The following MACF1 variants were observed in gnomAD, a reference collection of about 807,000 sequenced individuals.
MACF1 encodes microtubule actin crosslinking factor 1, also known as microtubule-actin cross-linking factor 1.
Under a neutral mutation model 854.8 loss-of-function variants are expected in MACF1, and 193 were observed. That is an observed-to-expected ratio of 0.23 (90% CI 0.20 to 0.25). The LOEUF (loss-of-function observed/expected upper bound fraction) is 0.25, where lower values mean the gene tolerates loss of function less well. Ranked by LOEUF, MACF1 falls within the 10% of genes least tolerant of loss-of-function variation. The pLI is 1.00. For missense variants in MACF1, 7,722 were observed against 8,929.1 expected (o/e 0.86, Z 5.45); for synonymous variants, 3,185 against 3,226.7 (o/e 0.99, Z 0.44).
intron 1 of MACF1, among the ~76,000 whole-genome samples, chr1:39,214,956 A>G (rs1644558379): frequency 6.6e-6 from 1 of 152,190 alleles, no homozygotes. Context: ...CCACATTACA[A>G]GCTTCTGCTC....
chr1:39,419,778 G>A (rs879413645), intron 58 of MACF1, among the ~76,000 whole-genome samples: 186 of 150,924 alleles, frequency 1.2e-3, no homozygotes, highest in Non-Finnish European at 2.3e-3. Context: ...GACTACAGGC[G>A]TGCGCCACCA....
chr1:39,436,109 CT>C (rs961549975), intron 70 of MACF1: 6 of 394,734 alleles, frequency 1.5e-5, no homozygotes, highest in African/African-American at 1.2e-4. Context: ...GAACCTGTTA[CT>C]TTTTTGCTTT....
chr1:39,485,797 C>A lies in MACF1; in HGVS notation c.*3C>A. 1 of 1,582,180 alleles carries A rather than the reference C, an allele frequency of 6.3e-7. No homozygotes were observed. ...GGACTCCAGGTCCCAAGCGATAACACTGTCTAAGCACCCCCAAGCCACTAT... is the reference window on the plus strand; with the variant it reads ...GGACTCCAGGTCCCAAGCGATAACAATGTCTAAGCACCCCCAAGCCACTAT... On this transcript the variant is annotated 3_prime_UTR_variant, in exon 101 of 101. Transcript: ENST00000564288.
chr1:39,235,590 C>G (rs980234372), intron 2 of MACF1, among the ~76,000 whole-genome samples: 8 of 152,242 alleles, frequency 5.3e-5, no homozygotes, highest in African/African-American at 1.9e-4. Flanking sequence ...TTGCATGCAT[C>G]TGTCTTCTCT....
At chr1:39,120,296 C>A (rs1347668142) in intron 2 of MACF1, among the ~76,000 whole-genome samples, 2 of 152,110 alleles carry the variant, frequency 1.3e-5, no homozygotes, top group Non-Finnish European at 2.9e-5. Context: ...TGTTATAATT[C>A]TACTTCACCT....
chr1:39,357,309 T>C, intron 44 of MACF1, 66 bp from the exon 45 acceptor site: 2 of 1,538,446 alleles, frequency 1.3e-6, no homozygotes, highest in South Asian at 1.2e-5. Context: ...TCCAGTCTTG[T>C]ATACCTCAAA....
chr1:39,340,669 T>G lies in MACF1; in HGVS notation c.10383T>G (p.Thr3461=). ...AGTCTCTCAGCTCTGTGAGTGACAC[T>G]TGGAATTCCAGGCTACTCCACTTCC... The part of the protein sequence containing the change: ...LQKSLSSVSD[T]WNSRLLHFQN... The change falls in exon 39 of 101, where the codon ACT becomes ACG. Residue 3461 remains threonine (T), a synonymous_variant. Coordinates refer to ENST00000564288, the MANE Select transcript of MACF1 (RefSeq NM_001394062.1). 1 of 1,614,182 alleles carries G rather than the reference T, an allele frequency of 6.2e-7. No individual in the cohort carries two copies. Among genetic ancestry groups the G allele is most frequent in the South Asian group, 1.1e-5 (1 of 91,082 alleles).
At chr1:39,428,462 A>G (rs967288185) in intron 63 of MACF1, among the ~76,000 whole-genome samples, 175 bp downstream of exon 63, 2 of 152,170 alleles carry the variant, frequency 1.3e-5, no homozygotes, top group Non-Finnish European at 2.9e-5. Context: ...GGATGAGTCC[A>G]TGGAAATACT....
At chr1:39,478,508 A>G (rs6665948) in intron 97 of MACF1, among the ~76,000 whole-genome samples, 85,306 of 152,050 alleles carry the variant, frequency 0.56, 25,618 homozygotes, top group South Asian at 0.77. Flanking sequence ...AGCTTGGACT[A>G]TAACTCAGAG....
Position 39,292,768 on chromosome 1 carries a change from A to C in MACF1, c.1917A>C (p.Gly639=). 1 of 1,607,800 alleles carries C rather than the reference A, an allele frequency of 6.2e-7. No homozygotes were observed. Residue 639 remains glycine (G), a splice_region_variant and synonymous_variant, in exon 17 of 101, where the codon GGA becomes GGC. Transcript: ENST00000564288. ...TTATTTCATTCTTTTTTAATCAGGG[A>C]AAGATGTCCCAGAATTTCCATACCA... The part of the protein sequence containing the change: ...SSVKEARLYE[G]KMSQNFHTSY...
intron 6 of MACF1, among the ~76,000 whole-genome samples, chr1:39,272,153 G>A (rs80281860): frequency 0.012 from 1,779 of 152,306 alleles, 29 homozygotes; most frequent in African/African-American, 0.04. Flanking sequence ...ATGTGATACA[G>A]GGACCACAGA....
chr1:39,291,083 T>G (rs1645774754), intron 15 of MACF1, among the ~76,000 whole-genome samples: 1 of 151,810 alleles, frequency 6.6e-6, no homozygotes, highest in African/African-American at 2.4e-5. Context: ...GCCAAGCAAT[T>G]CTCCTGCCTC....
At chr1:39,237,972 A>G (rs2148317166) in intron 2 of MACF1, among the ~76,000 whole-genome samples, 1 of 152,350 alleles carries the variant, frequency 6.6e-6, no homozygotes, top group African/African-American at 2.4e-5. Flanking sequence ...ATTCTACAAA[A>G]TAGCACCAGT....
chr1:39,459,720 GTGT>G, intron 91 of MACF1: 5 of 673,298 alleles, frequency 7.4e-6, no homozygotes, highest in Non-Finnish European at 1.1e-5. Flanking sequence ...CTATTTTGAA[GTGT>G]CATTACCCAG....
At chr1:39,360,624 G>T (rs545367125) in intron 47 of MACF1, among the ~76,000 whole-genome samples, 169 bp from the exon 48 acceptor site, 9 of 150,846 alleles carry the variant, frequency 6.0e-5, no homozygotes, top group Admixed American at 4.6e-4. Context: ...ATTGCTTAAG[G>T]CCAGGAGTTC....
chr1:39,476,445 C>T (rs975845756), intron 97 of MACF1, among the ~76,000 whole-genome samples: 1 of 152,082 alleles, frequency 6.6e-6, no homozygotes, highest in Non-Finnish European at 1.5e-5. Flanking sequence ...TGGCCACGCG[C>T]CTGCAGTCCC....
chr1:39,385,270 G>T (rs536698200), intron 56 of MACF1, among the ~76,000 whole-genome samples, 164 bp from the exon 57 acceptor site: 2 of 152,068 alleles, frequency 1.3e-5, no homozygotes, highest in South Asian at 2.1e-4. Context: ...GTTTCGCCAC[G>T]TTGGCCAGGC....
chr1:39,227,643 T>G (rs1310131743), intron 1 of MACF1, among the ~76,000 whole-genome samples: 5 of 152,194 alleles, frequency 3.3e-5, no homozygotes, highest in African/African-American at 9.6e-5. Flanking sequence ...CTTTCAATGC[T>G]TCCCCTTACC....
intron 21 of MACF1, 59 bp from the exon 22 acceptor site, chr1:39,300,151 G>T: frequency 6.4e-7 from 1 of 1,562,232 alleles, no homozygotes; most frequent in South Asian, 1.2e-5. Flanking sequence ...TTTCTTTGTT[G>T]ACTTAGTCAC....
Sources: gnomAD v4.1 joint callset for allele counts (sites outside exome capture counted in the v4.1 genomes callset) on GRCh38, gnomAD v4.1.1 for gene constraint, MANE v1.5 for transcripts, NCBI Gene and HGNC (gene_info 2026-07-23, HGNC 2026-07-21) for gene names.